CNNM2: variants seen among roughly 807,000 people sequenced by gnomAD.
CNNM2 encodes metal transporter CNNM2.
In CNNM2, 12 loss-of-function variants were observed where a neutral mutation model predicts 66.9. The observed-to-expected ratio is 0.18, with a 90% confidence interval of 0.11 to 0.29. The LOEUF (loss-of-function observed/expected upper bound fraction) is 0.29, where lower values mean the gene tolerates loss of function less well. CNNM2 is among the 10% of genes least tolerant of loss of function. The pLI, the probability that CNNM2 is intolerant of heterozygous loss-of-function variation, is 1.00. For missense variants in CNNM2, 705 were observed against 1,167.7 expected, an observed-to-expected ratio of 0.60 and a Z score of 5.77; for synonymous variants, 557 against 501.8, an observed-to-expected ratio of 1.11 and a Z score of -1.47.
At chr10:103,032,892 T>C (rs2064856274) in intron 1 of CNNM2, among the ~76,000 whole-genome samples, 1 of 151,654 alleles carries the variant, frequency 6.6e-6, no homozygotes, top group Admixed American at 6.6e-5. Flanking sequence ...CTGAGGTGGA[T>C]GGATTGCTTG....
At chr10:102,988,707 A>G (rs929697768) in intron 1 of CNNM2, among the ~76,000 whole-genome samples, 1 of 152,098 alleles carries the variant, frequency 6.6e-6, no homozygotes, top group East Asian at 1.9e-4. Flanking sequence ...CCCACACCCT[A>G]TCTTTTGGGC....
chr10:103,043,994 A>G (rs942036046), intron 1 of CNNM2, among the ~76,000 whole-genome samples: 3 of 152,238 alleles, frequency 2.0e-5, no homozygotes, highest in Non-Finnish European at 4.4e-5. Context: ...CGCTCTCCCA[A>G]GCCCTGATCG....
At chr10:103,076,714 G>A (rs1184587337) in intron 7 of CNNM2, among the ~76,000 whole-genome samples, 1 of 152,224 alleles carries the variant, frequency 6.6e-6, no homozygotes, top group East Asian at 1.9e-4. Context: ...GAACAAGCCA[G>A]CTTTAGCTGG....
At chr10:103,061,428 G>T (rs1165029469) in intron 4 of CNNM2, among the ~76,000 whole-genome samples, 1 of 152,068 alleles carries the variant, frequency 6.6e-6, no homozygotes, top group African/African-American at 2.4e-5. Flanking sequence ...AATTGAAAAT[G>T]CCTTATAACC....
intron 1 of CNNM2, among the ~76,000 whole-genome samples, chr10:103,038,375 A>G (rs2064980099): frequency 6.6e-6 from 1 of 152,212 alleles, no homozygotes; most frequent in Non-Finnish European, 1.5e-5. Flanking sequence ...GCACTGTGCC[A>G]AGACTGTTTA....
chr10:102,958,267 CTG>C (rs1303665459), intron 1 of CNNM2, among the ~76,000 whole-genome samples: 2 of 151,772 alleles, frequency 1.3e-5, no homozygotes, highest in Admixed American at 6.6e-5. Flanking sequence ...TTTTTTCTAA[CTG>C]TGTTGAATAA....
At chr10:103,067,939 C>T (rs1373125458) in intron 4 of CNNM2, among the ~76,000 whole-genome samples, 3 of 152,174 alleles carry the variant, frequency 2.0e-5, no homozygotes, top group African/African-American at 7.2e-5. Flanking sequence ...TGCGAGGGGT[C>T]TGCTCAGTGG....
chr10:102,990,495 GA>G (rs2063880333), intron 1 of CNNM2, among the ~76,000 whole-genome samples: 1 of 152,166 alleles, frequency 6.6e-6, no homozygotes, highest in African/African-American at 2.4e-5. Context: ...TAGATGAATA[GA>G]ATCAGAAAAA....
intron 1 of CNNM2, among the ~76,000 whole-genome samples, chr10:102,942,188 T>C (rs1488607732): frequency 1.3e-5 from 2 of 152,234 alleles, no homozygotes; most frequent in African/African-American, 4.8e-5. Flanking sequence ...AAATATAACA[T>C]AAAAATTACC....
At chr10:103,061,926 T>C (rs1378932225) in intron 4 of CNNM2, among the ~76,000 whole-genome samples, 3 of 152,228 alleles carry the variant, frequency 2.0e-5, no homozygotes, top group African/African-American at 7.2e-5. Flanking sequence ...AAGCATCTAT[T>C]ACTGATTTTA....
chr10:102,971,766 A>C (rs1163597808), intron 1 of CNNM2, among the ~76,000 whole-genome samples: 1 of 152,216 alleles, frequency 6.6e-6, no homozygotes, highest in Non-Finnish European at 1.5e-5. Flanking sequence ...TTATGTAAGT[A>C]ATGTCCGTGT....
intron 6 of CNNM2, among the ~76,000 whole-genome samples, chr10:103,074,442 G>C (rs2065654610): frequency 6.6e-6 from 1 of 152,208 alleles, no homozygotes; most frequent in Non-Finnish European, 1.5e-5. Context: ...CGTAGAAATG[G>C]AAACAAGGGG....
chr10:103,062,643 C>G (rs935561843), intron 4 of CNNM2, among the ~76,000 whole-genome samples: 5 of 151,170 alleles, frequency 3.3e-5, no homozygotes, highest in Non-Finnish European at 7.4e-5. Flanking sequence ...CCTGGAAGGG[C>G]CCCATCCCAG....
At chr10:103,049,921 GAC>G in intron 2 of CNNM2, 71 bp downstream of exon 2, 2 of 1,497,944 alleles carry the variant, frequency 1.3e-6, no homozygotes, top group Non-Finnish European at 1.8e-6. Flanking sequence ...TGAGTCTTCT[GAC>G]GTTTCTCCAG....
At chr10:102,960,111 C>T (rs150133339) in intron 1 of CNNM2, among the ~76,000 whole-genome samples, 142 of 151,872 alleles carry the variant, frequency 9.3e-4, no homozygotes, top group Admixed American at 1.9e-3. Flanking sequence ...AATAATCTCT[C>T]CTAGGGTCAT....
At chr10:103,049,292 G>A (rs1209079795) in intron 1 of CNNM2, among the ~76,000 whole-genome samples, 1 of 152,216 alleles carries the variant, frequency 6.6e-6, no homozygotes, top group Admixed American at 6.5e-5. Flanking sequence ...TCAACACAGT[G>A]AAAACAGCCA....
At chr10:102,934,467 G>A (rs1846167413) in intron 1 of CNNM2, among the ~76,000 whole-genome samples, 1 of 151,592 alleles carries the variant, frequency 6.6e-6, no homozygotes, top group South Asian at 2.1e-4. Flanking sequence ...TTTTAGTAGA[G>A]GTGAGGTTTC....
intron 1 of CNNM2, among the ~76,000 whole-genome samples, chr10:102,969,378 T>G (rs776221167): frequency 5.3e-5 from 8 of 151,872 alleles, no homozygotes; most frequent in Non-Finnish European, 8.8e-5. Flanking sequence ...CACGCCTAGC[T>G]AATTTTTGTA....
At chr10:102,921,815 A>G (rs1388417532) in intron 1 of CNNM2, among the ~76,000 whole-genome samples, 1 of 152,194 alleles carries the variant, frequency 6.6e-6, no homozygotes, top group Non-Finnish European at 1.5e-5. Context: ...TCATGAATTG[A>G]TAACACTAGT....
Sources: gnomAD v4.1 joint callset for allele counts (sites outside exome capture counted in the v4.1 genomes callset) on GRCh38, gnomAD v4.1.1 for gene constraint, MANE v1.5 for transcripts, NCBI Gene and HGNC (gene_info 2026-07-23, HGNC 2026-07-21) for gene names.